The following MARCHF1 variants were observed in gnomAD, a reference collection of about 807,000 sequenced individuals.
The protein encoded by MARCHF1 is membrane associated ring-CH-type finger 1, also known as E3 ubiquitin-protein ligase MARCHF1.
A neutral mutation model predicts 54.2 loss-of-function variants in MARCHF1; 40 were observed. That is an observed-to-expected ratio of 0.74 (90% confidence interval 0.57 to 0.96). The LOEUF is 0.96. Among genes scored for constraint, MARCHF1 ranks in the 40% least tolerant of loss-of-function variants. The pLI, the probability that MARCHF1 is intolerant of heterozygous loss-of-function variation, is 0.00. For missense variants in MARCHF1, 586 were observed against 656.5 expected (o/e 0.89, Z 1.17); for synonymous variants, 236 against 236.3 (o/e 1.00, Z 0.01).
intron 4 of MARCHF1, among the ~76,000 whole-genome samples, chr4:163,707,506 C>G (rs901124668): frequency 4.6e-5 from 7 of 151,772 alleles, no homozygotes; most frequent in African/African-American, 1.7e-4. Context: ...ATTAAAGTAG[C>G]AACAAGACAT....
At chr4:163,660,583 A>G (rs1743313239) in intron 5 of MARCHF1, among the ~76,000 whole-genome samples, 1 of 151,948 alleles carries the variant, frequency 6.6e-6, no homozygotes, top group African/African-American at 2.4e-5. Context: ...AAAAAAAAAA[A>G]ACTGTAATTG....
chr4:164,081,289 A>G (rs1029692690), intron 2 of MARCHF1, among the ~76,000 whole-genome samples: 6 of 149,826 alleles, frequency 4.0e-5, no homozygotes, highest in Non-Finnish European at 8.9e-5. Flanking sequence ...TCATGAGTTC[A>G]TGATTCAAAA....
At chr4:163,791,233 A>T (rs1252617541) in intron 4 of MARCHF1, among the ~76,000 whole-genome samples, 1 of 152,148 alleles carries the variant, frequency 6.6e-6, no homozygotes, top group Non-Finnish European at 1.5e-5. Context: ...AGGTATGTGG[A>T]CATATAGCCA....
intron 5 of MARCHF1, among the ~76,000 whole-genome samples, chr4:163,623,441 T>C (rs1741755824): frequency 6.6e-6 from 1 of 152,202 alleles, no homozygotes; most frequent in Admixed American, 6.5e-5. Flanking sequence ...AATGTTATGG[T>C]GAAAATGTCC....
At chr4:164,380,774 CA>C (rs1411386132) in intron 1 of MARCHF1, among the ~76,000 whole-genome samples, 1 of 152,130 alleles carries the variant, frequency 6.6e-6, no homozygotes, top group Non-Finnish European at 1.5e-5. Flanking sequence ...AGTTAGGATG[CA>C]AAAACCTTTC....
chr4:163,621,033 T>C (rs1265648696), intron 5 of MARCHF1, among the ~76,000 whole-genome samples: 2 of 152,326 alleles, frequency 1.3e-5, no homozygotes, highest in East Asian at 3.9e-4. Context: ...AGAGCTCCAC[T>C]TCCCCTTTCA....
At chr4:163,650,809 G>C (rs1742936581) in intron 5 of MARCHF1, among the ~76,000 whole-genome samples, 1 of 151,950 alleles carries the variant, frequency 6.6e-6, no homozygotes, top group African/African-American at 2.4e-5. Flanking sequence ...GAATGTCCAT[G>C]AAACTGCCTA....
intron 3 of MARCHF1, among the ~76,000 whole-genome samples, chr4:163,912,069 T>TGG (rs1560816331): frequency 4.0e-4 from 59 of 147,736 alleles, no homozygotes; most frequent in African/African-American, 1.4e-3. Context: ...TGCAGGGTTT[T>TGG]TTTTTTTTTT....
At chr4:164,106,874 T>G (rs74974332) in intron 2 of MARCHF1, among the ~76,000 whole-genome samples, 13,385 of 152,098 alleles carry the variant, frequency 0.088, 682 homozygotes, top group Middle Eastern at 0.16. Flanking sequence ...GCTGTCATAA[T>G]CACTTTGGTT....
At chr4:163,561,210 C>T (rs1381815534) in intron 8 of MARCHF1, among the ~76,000 whole-genome samples, 1 of 152,004 alleles carries the variant, frequency 6.6e-6, no homozygotes, top group Admixed American at 6.5e-5. Context: ...TCTATATTAT[C>T]TATATTACAA....
intron 1 of MARCHF1, among the ~76,000 whole-genome samples, chr4:164,209,328 C>T (rs1276489297): frequency 1.3e-5 from 2 of 152,168 alleles, no homozygotes; most frequent in African/African-American, 2.4e-5. Context: ...TCTCCATACT[C>T]ATCTATACTG....
chr4:164,001,102 A>C (rs1316161459), intron 2 of MARCHF1, among the ~76,000 whole-genome samples: 1 of 151,814 alleles, frequency 6.6e-6, no homozygotes. Context: ...ATGTGGCCAC[A>C]GTCATATTAT....
intron 1 of MARCHF1, among the ~76,000 whole-genome samples, chr4:164,178,697 G>A (rs893796463): frequency 1.3e-5 from 2 of 151,974 alleles, no homozygotes; most frequent in East Asian, 1.9e-4. Flanking sequence ...GGATGGGTTC[G>A]TGTTTTCTCT....
chr4:164,334,327 A>G (rs987717523), intron 1 of MARCHF1, among the ~76,000 whole-genome samples: 1 of 152,200 alleles, frequency 6.6e-6, no homozygotes, highest in Non-Finnish European at 1.5e-5. Flanking sequence ...CTCTTTTGTT[A>G]GGGGCTAATG....
rs532637292 is a variant in MARCHF1, at chr4:163,734,262, T to C, written c.112-33399A>G. The stretch of plus-strand genomic sequence containing the variant: ...AAGAGACAGCTACTTTGGAAAATAG[T>C]TTGGCAACTTCTTAAAAAGTTAAAG... On this transcript the variant is annotated intron_variant, in intron 4 of 9. Transcript: ENST00000514618. Among the ~76,000 whole-genome samples the C allele has an allele frequency of 2.0e-4, 30 of 152,288 alleles. No individual in the cohort carries two copies. The South Asian group carries it at 6.2e-3, about 32-fold the overall frequency.
intron 3 of MARCHF1, among the ~76,000 whole-genome samples, chr4:163,913,734 T>C (rs1751246232): frequency 6.6e-6 from 1 of 152,200 alleles, no homozygotes; most frequent in Non-Finnish European, 1.5e-5. Context: ...ACCCCAATCC[T>C]ACTGCTTTCT....
intron 4 of MARCHF1, among the ~76,000 whole-genome samples, chr4:163,727,733 C>A (rs1395308692): frequency 1.3e-5 from 2 of 151,926 alleles, no homozygotes; most frequent in Non-Finnish European, 2.9e-5. Context: ...AGTGCAGTGG[C>A]ACAATCATGG....
chr4:164,282,585 C>T (rs1046277508), intron 1 of MARCHF1, among the ~76,000 whole-genome samples: 1 of 151,180 alleles, frequency 6.6e-6, no homozygotes, highest in Non-Finnish European at 1.5e-5. Flanking sequence ...CACACACTCT[C>T]AACTCCCTTG....
chr4:163,872,177 T>G (rs1224138503), intron 3 of MARCHF1, among the ~76,000 whole-genome samples: 1 of 152,368 alleles, frequency 6.6e-6, no homozygotes, highest in East Asian at 1.9e-4. Flanking sequence ...TGCATTGCAT[T>G]GGCCAGCCCT....
Sources: allele counts gnomAD v4.1 joint callset (sites outside exome capture counted in the v4.1 genomes callset), GRCh38; gene constraint gnomAD v4.1.1; transcripts MANE v1.5; gene names NCBI Gene and HGNC (gene_info 2026-07-23, HGNC 2026-07-21).